Variants in DSE observed in about 807,000 individuals in gnomAD.
The protein encoded by DSE is dermatan-sulfate epimerase.
In DSE, 36 loss-of-function variants were observed where a neutral mutation model predicts 84.4. The ratio of observed to expected loss-of-function variants is 0.43; its 90% CI spans 0.33 to 0.56. DSE has a LOEUF of 0.56. Among genes scored for constraint, DSE ranks in the 20% least tolerant of loss-of-function variants. The pLI is 0.06. For synonymous variants in DSE, 410 were observed against 430.1 expected (o/e 0.95, Z 0.58); for missense variants, 862 against 1,169.6 (o/e 0.74, Z 3.84).
chr6:116,259,149 G>T, intron 2 of DSE: 1 of 1,071,656 alleles, frequency 9.3e-7, no homozygotes, highest in Non-Finnish European at 1.4e-6. Context: ...TCTGTTGCTC[G>T]ACGTAGACCA....
intron 2 of DSE, among the ~76,000 whole-genome samples, chr6:116,343,581 G>T (rs1433180120): frequency 6.6e-6 from 1 of 152,220 alleles, no homozygotes; most frequent in Non-Finnish European, 1.5e-5. Context: ...GCAGCTGAGG[G>T]TCCTGACTGT....
At chr6:116,424,862 G>A (rs1045590796) in intron 2 of DSE, among the ~76,000 whole-genome samples, 2 of 152,194 alleles carry the variant, frequency 1.3e-5, no homozygotes, top group Non-Finnish European at 1.5e-5. Context: ...GGAAGAGGTA[G>A]TCTCTCAGAA....
chr6:116,345,819 T>C (rs1314039520), intron 2 of DSE, among the ~76,000 whole-genome samples: 2 of 151,942 alleles, frequency 1.3e-5, no homozygotes, highest in Non-Finnish European at 2.9e-5. Flanking sequence ...AAAAAATCAA[T>C]GAATCCAGGA....
intron 1 of DSE, among the ~76,000 whole-genome samples, chr6:116,373,309 G>A (rs1328968927): frequency 6.6e-6 from 1 of 152,218 alleles, no homozygotes; most frequent in East Asian, 1.9e-4. Flanking sequence ...GTTGCAGTGA[G>A]CCGAGATTGT....
intron 3 of DSE, among the ~76,000 whole-genome samples, chr6:116,430,683 AGGCATCTGCCACCACACCC>A (rs1191266235): frequency 6.6e-6 from 1 of 152,130 alleles, no homozygotes; most frequent in African/African-American, 2.4e-5. Context: ...CTGGGACTAC[AGGCATCTGCCACCACACCC>A]GGCTAATTTT....
intron 2 of DSE, among the ~76,000 whole-genome samples, chr6:116,351,216 C>A (rs1262546308): frequency 1.3e-5 from 2 of 152,172 alleles, no homozygotes; most frequent in Non-Finnish European, 2.9e-5. Context: ...GAATCCCCAT[C>A]TCATGAATCT....
chr6:116,366,531 C>G (rs1204649383), upstream of DSE: 1 of 152,104 alleles, frequency 6.6e-6, no homozygotes, highest in Non-Finnish European at 1.5e-5. Flanking sequence ...TTTGTAATTT[C>G]AGAGAACAAT....
At chr6:116,388,705 G>T (rs1450039171) in intron 1 of DSE, among the ~76,000 whole-genome samples, 3 of 152,036 alleles carry the variant, frequency 2.0e-5, no homozygotes, top group Non-Finnish European at 2.9e-5. Flanking sequence ...TTCATCTGTT[G>T]CATTTCATCA....
chr6:116,421,461 A>T (rs1351545392), intron 2 of DSE, among the ~76,000 whole-genome samples: 12 of 76,434 alleles, frequency 1.6e-4, no homozygotes, highest in South Asian at 9.5e-4. Context: ...ATATATATAT[A>T]TATTTTTTTT....
intron 2 of DSE, among the ~76,000 whole-genome samples, chr6:116,297,724 T>C (rs1774758837): frequency 6.6e-6 from 1 of 152,216 alleles, no homozygotes; most frequent in African/African-American, 2.4e-5. Flanking sequence ...AAATTCACTT[T>C]TGTCAAACCA....
chr6:116,396,884 T>C lies in DSE; in HGVS notation c.-53-2314T>C, dbSNP rs1258689689. ...GACAAAGAACATGATGAATTAACCT[T>C]ACCCACGTTTGGGGAAGTTTGTACA... On this transcript the variant is annotated intron_variant, in intron 1 of 5. Transcript: ENST00000644252. Among the ~76,000 whole-genome samples, 12 of 152,276 alleles carry C rather than the reference T, an allele frequency of 7.9e-5. No homozygotes were observed. The East Asian group carries it at 2.3e-3, about 29-fold the overall frequency.
intron 2 of DSE, among the ~76,000 whole-genome samples, chr6:116,295,397 T>A (rs549974219): frequency 6.6e-6 from 1 of 152,308 alleles, no homozygotes; most frequent in African/African-American, 2.4e-5. Context: ...CCTGACTACA[T>A]CCATTGATTT....
rs546879617 is a variant in DSE, at chr6:116,346,557, C to A, written c.-53-52641C>A. On this transcript the variant is annotated intron_variant, in intron 2 of 3. Coordinates refer to the DSE transcript ENST00000430252. ...CAATAGATGCAGAAAAGGCCTTTGA[C>A]AAAATTCAACAGCGCCTCATGCTAA... Among the ~76,000 whole-genome samples, 868 of 152,242 alleles carry A rather than the reference C, an allele frequency of 5.7e-3. 8 individuals carry two copies. The highest frequency in any genetic ancestry group is 8.1e-3 in the Non-Finnish European group (548 of 68,002).
chr6:116,316,934 C>CT (rs1776018623), intron 2 of DSE, among the ~76,000 whole-genome samples: 1 of 151,722 alleles, frequency 6.6e-6, no homozygotes, highest in African/African-American at 2.4e-5. Flanking sequence ...TTATGTTAGC[C>CT]TGGATTATCC....
chr6:116,357,747 T>C (rs769398168), intron 2 of DSE, among the ~76,000 whole-genome samples: 7 of 152,162 alleles, frequency 4.6e-5, no homozygotes, highest in Non-Finnish European at 8.8e-5. Context: ...AGGATCTACT[T>C]TCCCCAATGA....
intron 2 of DSE, among the ~76,000 whole-genome samples, chr6:116,349,009 C>T (rs535664071): frequency 3.0e-4 from 46 of 152,128 alleles, no homozygotes; most frequent in African/African-American, 1.0e-3. Flanking sequence ...AGGAGATATA[C>T]CTAATGTAAA....
intron 2 of DSE, among the ~76,000 whole-genome samples, chr6:116,317,396 C>G (rs1450138949): frequency 6.6e-6 from 1 of 152,180 alleles, no homozygotes; most frequent in East Asian, 1.9e-4. Context: ...TCTAGAGATT[C>G]CGGGAAGTTA....
chr6:116,302,749 T>C (rs1775113729), intron 2 of DSE, among the ~76,000 whole-genome samples: 1 of 152,138 alleles, frequency 6.6e-6, no homozygotes, highest in African/African-American at 2.4e-5. Context: ...GCCTAGGTTT[T>C]CTTCTAGGGT....
intron 2 of DSE, among the ~76,000 whole-genome samples, chr6:116,336,482 G>T (rs977870620): frequency 6.6e-6 from 1 of 152,164 alleles, no homozygotes; most frequent in African/African-American, 2.4e-5. Flanking sequence ...TAGGCCGGGC[G>T]CAGTGGCTCA....
Sources: gnomAD v4.1 joint callset for allele counts (sites outside exome capture counted in the v4.1 genomes callset) on GRCh38, gnomAD v4.1.1 for gene constraint, MANE v1.5 for transcripts, NCBI Gene and HGNC (gene_info 2026-07-23, HGNC 2026-07-21) for gene names.